Variants in ADGRL2 observed in about 807,000 individuals in gnomAD.
ADGRL2 encodes calcium-independent alpha-latrotoxin receptor 2.
In ADGRL2, 44 loss-of-function variants were observed where a neutral mutation model predicts 157.4. The ratio of observed to expected loss-of-function variants is 0.28; its 90% CI spans 0.22 to 0.36. ADGRL2 has a LOEUF of 0.36. ADGRL2 is among the 10% of genes least tolerant of loss of function. The probability of loss-of-function intolerance (pLI) is 1.00; values close to 1 mark genes in which losing one functional copy is unlikely to be tolerated. For missense variants in ADGRL2, 1,510 were observed against 1,768.9 expected (o/e 0.85, Z 2.63); for synonymous variants, 585 against 624.7 (o/e 0.94, Z 0.95).
At chr1:81,771,304 A>G (rs985040668) in intron 2 of ADGRL2, among the ~76,000 whole-genome samples, 1 of 145,516 alleles carries the variant, frequency 6.9e-6, no homozygotes, top group African/African-American at 2.6e-5. Flanking sequence ...GGATAATATA[A>G]TTTTTCTCAC....
intron 1 of ADGRL2, among the ~76,000 whole-genome samples, chr1:81,346,914 G>C (rs1662521403): frequency 6.6e-6 from 1 of 152,146 alleles, no homozygotes. Flanking sequence ...TTGGTGTTGG[G>C]TAGAGGCTAA....
chr1:81,372,673 T>C (rs11163265), intron 1 of ADGRL2, among the ~76,000 whole-genome samples: 144 of 152,116 alleles, frequency 9.5e-4, no homozygotes, highest in African/African-American at 3.3e-3. Context: ...ATTTTCTGTT[T>C]GTTTAATAAT....
intron 2 of ADGRL2, among the ~76,000 whole-genome samples, chr1:81,872,655 A>T (rs1168671767): frequency 6.6e-6 from 1 of 152,098 alleles, no homozygotes; most frequent in Non-Finnish European, 1.5e-5. Context: ...GACTAAGTAG[A>T]AGGAGGCATA....
intron 3 of ADGRL2, among the ~76,000 whole-genome samples, chr1:81,649,813 G>C (rs549185050): frequency 6.6e-6 from 1 of 152,294 alleles, no homozygotes; most frequent in Non-Finnish European, 1.5e-5. Flanking sequence ...CTCAGCCACT[G>C]CATCTGATGG....
intron 1 of ADGRL2, among the ~76,000 whole-genome samples, chr1:81,364,210 A>AT (rs11435381): frequency 0.52 from 76,360 of 147,518 alleles, 20,899 homozygotes; most frequent in East Asian, 0.72. Context: ...AAAGTTTTCC[A>AT]TTTTTTTTTT....
intron 1 of ADGRL2, among the ~76,000 whole-genome samples, chr1:81,352,240 A>T (rs894931640): frequency 1.3e-5 from 2 of 152,218 alleles, no homozygotes; most frequent in Non-Finnish European, 2.9e-5. Context: ...CATCCCAAAT[A>T]CCTGATGGAC....
rs187148699 is a variant in ADGRL2, at chr1:81,884,118, C to T, written c.74-22899C>T. On this transcript the variant is annotated intron_variant, in intron 2 of 23. Coordinates refer to ENST00000686636, the MANE Select transcript of ADGRL2 (RefSeq NM_001366006.2). ...CTCCCCCCTCAGCCCCCAGAATAGC[C>T]GGGACTTTAGGCATGTGCGACAACT... Among the ~76,000 whole-genome samples the T allele has an allele frequency of 1.5e-3, 234 of 151,976 alleles. 7 individuals are homozygous for T. The South Asian group carries it at 0.033, about 22-fold the overall frequency.
intron 17 of ADGRL2, among the ~76,000 whole-genome samples, chr1:81,973,388 G>A (rs1169090715): frequency 6.6e-6 from 1 of 152,236 alleles, no homozygotes; most frequent in East Asian, 1.9e-4. Flanking sequence ...GATCCTTGAA[G>A]ACATAACCTT....
chr1:81,896,081 A>G (rs1243726332), intron 2 of ADGRL2, among the ~76,000 whole-genome samples: 2 of 152,224 alleles, frequency 1.3e-5, no homozygotes, highest in Non-Finnish European at 2.9e-5. Flanking sequence ...AGTAAAAATT[A>G]TAAGAGATTA....
At chr1:81,930,125 T>A (rs1304825157) in intron 3 of ADGRL2, among the ~76,000 whole-genome samples, 1 of 152,190 alleles carries the variant, frequency 6.6e-6, no homozygotes, top group Non-Finnish European at 1.5e-5. Context: ...TATGCTATAT[T>A]ATTTTTCGAT....
intron 2 of ADGRL2, among the ~76,000 whole-genome samples, chr1:81,553,879 C>A (rs1039353205): frequency 6.6e-6 from 1 of 152,186 alleles, no homozygotes; most frequent in Non-Finnish European, 1.5e-5. Flanking sequence ...TATATACCTG[C>A]AGATGATGCT....
chr1:81,515,773 A>G (rs1005119577), intron 2 of ADGRL2, among the ~76,000 whole-genome samples: 2 of 152,188 alleles, frequency 1.3e-5, no homozygotes, highest in African/African-American at 4.8e-5. Flanking sequence ...ACATTCATGC[A>G]CTGTATTTTT....
Position 81,991,215 on chromosome 1 carries a change from A to G in ADGRL2, c.*70A>G. ...AATAAAGACACCATTGGCCTGACGC[A>G]GCTCCCTCAAACTCTGCTTGAAGAG... is the stretch of plus-strand genomic sequence containing the variant. On this transcript the variant is annotated 3_prime_UTR_variant, in exon 24 of 24. Coordinates refer to ENST00000686636, the MANE Select transcript of ADGRL2 (RefSeq NM_001366006.2). The G allele has an allele frequency of 1.4e-6, 2 of 1,412,448 alleles. No homozygotes were observed. The highest frequency in any genetic ancestry group is 1.9e-6 in the Non-Finnish European group (2 of 1,044,310). 87.5% of individuals were successfully genotyped at this position (1,412,448 alleles called of 1,614,324 possible). A position where few individuals can be genotyped will look rare whatever the true frequency, so the allele number is the denominator to read the frequency against.
At chr1:81,817,961 C>T (rs1310154704) in intron 1 of ADGRL2, among the ~76,000 whole-genome samples, 5 of 151,774 alleles carry the variant, frequency 3.3e-5, no homozygotes, top group Non-Finnish European at 2.9e-5. Context: ...GCCAGGAGTT[C>T]GAGATCGGCC....
At chr1:81,604,115 C>CA (rs1433297168) in intron 3 of ADGRL2, among the ~76,000 whole-genome samples, 3 of 152,034 alleles carry the variant, frequency 2.0e-5, no homozygotes, top group Non-Finnish European at 4.4e-5. Context: ...AGGCGCATGC[C>CA]ACCACACCCG....
At chr1:81,365,655 G>T (rs4363461) in intron 1 of ADGRL2, among the ~76,000 whole-genome samples, 4 of 152,066 alleles carry the variant, frequency 2.6e-5, no homozygotes, top group South Asian at 4.2e-4. Context: ...GGATAACGGA[G>T]GATCATCATT....
intron 3 of ADGRL2, among the ~76,000 whole-genome samples, chr1:81,584,629 C>T (rs1037606168): frequency 6.6e-6 from 1 of 152,090 alleles, no homozygotes; most frequent in Admixed American, 6.6e-5. Flanking sequence ...GGCAATCGCG[C>T]TTTTCTTTAA....
At chr1:81,575,867 T>C (rs775712415) in intron 2 of ADGRL2, among the ~76,000 whole-genome samples, 1 of 152,122 alleles carries the variant, frequency 6.6e-6, no homozygotes, top group Admixed American at 6.6e-5. Flanking sequence ...AACTTTTTAG[T>C]AAGGAAAATT....
chr1:81,913,312 G>A (rs2148453430), intron 3 of ADGRL2, among the ~76,000 whole-genome samples: 1 of 152,308 alleles, frequency 6.6e-6, no homozygotes, highest in East Asian at 1.9e-4. Flanking sequence ...GGAATGTGTT[G>A]TTGTATATGT....
Sources: allele counts gnomAD v4.1 joint callset (sites outside exome capture counted in the v4.1 genomes callset), GRCh38; gene constraint gnomAD v4.1.1; transcripts MANE v1.5; gene names NCBI Gene and HGNC (gene_info 2026-07-23, HGNC 2026-07-21).